Variants in METTL8 observed in about 807,000 individuals in gnomAD.
The protein encoded by METTL8 is methyltransferase 8, tRNA N3-cytidine, also known as tRNA N(3)-cytidine methyltransferase METTL8, mitochondrial.
A neutral mutation model predicts 48.7 loss-of-function variants in METTL8; 32 were observed. The observed-to-expected ratio is 0.66, with a 90% CI of 0.50 to 0.88. The LOEUF (loss-of-function observed/expected upper bound fraction) is 0.88, where lower values mean the gene tolerates loss of function less well. METTL8 is among the 40% of genes least tolerant of loss of function. The pLI, the probability that METTL8 is intolerant of heterozygous loss-of-function variation, is 0.00. For missense variants in METTL8, 464 were observed against 474.4 expected, an observed-to-expected ratio of 0.98 and a Z score of 0.20; for synonymous variants, 136 against 157.1, an observed-to-expected ratio of 0.87 and a Z score of 1.01.
At chr2:171,340,812 G>C (rs974958249) in intron 3 of METTL8, among the ~76,000 whole-genome samples, 3 of 152,092 alleles carry the variant, frequency 2.0e-5, no homozygotes, top group Non-Finnish European at 4.4e-5. Context: ...CATGTCTCCT[G>C]ACTTTTGGAA....
chr2:171,431,536 G>A (rs1264897784), intron 1 of METTL8, among the ~76,000 whole-genome samples: 1 of 152,180 alleles, frequency 6.6e-6, no homozygotes, highest in African/African-American at 2.4e-5. Context: ...TGCATCAAGA[G>A]CTGTTTTGTT....
At chr2:171,409,143 G>A (rs1690485294) in intron 1 of METTL8, among the ~76,000 whole-genome samples, 1 of 152,204 alleles carries the variant, frequency 6.6e-6, no homozygotes, top group Non-Finnish European at 1.5e-5. Context: ...CACTTAATAG[G>A]TGGCTAAGCC....
intron 3 of METTL8, among the ~76,000 whole-genome samples, 191 bp from the exon 4 acceptor site, chr2:171,339,745 A>G (rs558659304): frequency 6.6e-6 from 1 of 152,266 alleles, no homozygotes; most frequent in Non-Finnish European, 1.5e-5. Context: ...AATTCTCTCA[A>G]AATGTGTCAA....
intron 1 of METTL8, among the ~76,000 whole-genome samples, chr2:171,433,413 T>C (rs549071606): frequency 6.6e-6 from 1 of 152,170 alleles, no homozygotes; most frequent in Non-Finnish European, 1.5e-5. Flanking sequence ...TTTGAGCACC[T>C]ATGAACAAGA....
At chr2:171,336,521 C>A (rs1686130163) in intron 5 of METTL8, among the ~76,000 whole-genome samples, 1 of 151,298 alleles carries the variant, frequency 6.6e-6, no homozygotes. Context: ...CCTGCCTCAG[C>A]CTCCCGAGTA....
chr2:171,397,276 G>C (rs1334092980), intron 1 of METTL8, among the ~76,000 whole-genome samples: 1 of 149,286 alleles, frequency 6.7e-6, no homozygotes, highest in African/African-American at 2.5e-5. Context: ...AGCTTTGGGA[G>C]GGAGGTCAAG....
intron 3 of METTL8, among the ~76,000 whole-genome samples, chr2:171,347,968 T>C (rs536137484): frequency 9.9e-5 from 15 of 152,276 alleles, no homozygotes; most frequent in African/African-American, 3.6e-4. Flanking sequence ...AGGAGGAGGA[T>C]GGAGAACTGG....
chr2:171,354,955 T>G (rs1382285484), intron 3 of METTL8, among the ~76,000 whole-genome samples: 1 of 152,202 alleles, frequency 6.6e-6, no homozygotes, highest in East Asian at 1.9e-4. Flanking sequence ...GTCTGAAGCC[T>G]TCTTCTCTCA....
At chr2:171,381,154 G>A (rs980639241) in intron 2 of METTL8, among the ~76,000 whole-genome samples, 3 of 152,118 alleles carry the variant, frequency 2.0e-5, no homozygotes, top group Non-Finnish European at 4.4e-5. Flanking sequence ...AACCAGCAAT[G>A]GGGAAAGGAT....
chr2:171,418,139 G>T (rs56302833), intron 1 of METTL8, among the ~76,000 whole-genome samples: 11,227 of 152,032 alleles, frequency 0.074, 742 homozygotes, highest in African/African-American at 0.18. Context: ...GAGATGGGGT[G>T]TCACTGTGTT....
At chr2:171,396,581 T>C (rs1282951011) in intron 1 of METTL8, among the ~76,000 whole-genome samples, 1 of 152,188 alleles carries the variant, frequency 6.6e-6, no homozygotes, top group Non-Finnish European at 1.5e-5. Flanking sequence ...TGTCAATCCT[T>C]GCTTTTGTAT....
At chr2:171,392,288 T>C in intron 1 of METTL8, 91 bp from the exon 2 acceptor site, 1 of 1,021,086 alleles carries the variant, frequency 9.8e-7, no homozygotes, top group East Asian at 2.7e-5. Flanking sequence ...AGGTTTTCAA[T>C]CTGAGAATGC....
Position 171,324,034 on chromosome 2 carries a change from AG to A in METTL8, c.*137del. On this transcript the variant is annotated 3_prime_UTR_variant, in exon 10 of 10. Transcript: ENST00000375258. ...ACTTACATGTGCTTAAAATGCACAA[AG>A]GAGCTCACCTATGACAAAACGGCAG... 1 of 687,440 alleles carries A rather than the reference AG, an allele frequency of 1.5e-6. No homozygotes were observed. Among genetic ancestry groups the A allele is most frequent in the South Asian group, 2.2e-5 (1 of 45,774 alleles). The allele number at this position is 687,440 out of a possible 1,614,324, so 42.6% of individuals were successfully genotyped here. A position where few individuals can be genotyped will look rare whatever the true frequency, so the allele number is the denominator to read the frequency against.
intron 1 of METTL8, among the ~76,000 whole-genome samples, chr2:171,431,299 G>A (rs1692989285): frequency 6.6e-6 from 1 of 152,200 alleles, no homozygotes; most frequent in Admixed American, 6.5e-5. Flanking sequence ...GGGCCCACGA[G>A]CACACTGGAA....
At chr2:171,375,840 A>T (rs1005015874) in intron 2 of METTL8, among the ~76,000 whole-genome samples, 2 of 152,244 alleles carry the variant, frequency 1.3e-5, no homozygotes, top group African/African-American at 4.8e-5. Flanking sequence ...TATACAAAAT[A>T]TTGGAAAATA....
At chr2:171,400,047 T>A (rs1297008405) in intron 1 of METTL8, among the ~76,000 whole-genome samples, 2 of 152,110 alleles carry the variant, frequency 1.3e-5, no homozygotes, top group African/African-American at 2.4e-5. Context: ...TCATTTTTTT[T>A]TAAAAAAGTT....
chr2:171,333,710 T>G (rs1685783525), intron 5 of METTL8, among the ~76,000 whole-genome samples: 1 of 152,224 alleles, frequency 6.6e-6, no homozygotes, highest in Non-Finnish European at 1.5e-5. Flanking sequence ...TTTGAAATGT[T>G]CTCAGTAAAC....
intron 3 of METTL8, among the ~76,000 whole-genome samples, chr2:171,344,172 T>C (rs918844874): frequency 2.0e-5 from 3 of 152,246 alleles, no homozygotes; most frequent in African/African-American, 7.2e-5. Flanking sequence ...CTACGCACTA[T>C]GTCAAATGCT....
intron 3 of METTL8, among the ~76,000 whole-genome samples, chr2:171,354,765 T>C (rs879638834): frequency 2.9e-4 from 44 of 152,374 alleles, no homozygotes; most frequent in Admixed American, 7.2e-4. Context: ...TACTGAAGCT[T>C]GTACATGCGT....
Sources: allele counts gnomAD v4.1 joint callset (sites outside exome capture counted in the v4.1 genomes callset), GRCh38; gene constraint gnomAD v4.1.1; transcripts MANE v1.5; gene names NCBI Gene and HGNC (gene_info 2026-07-23, HGNC 2026-07-21).